The following SPMIP5 variants were observed in gnomAD, a reference collection of about 807,000 sequenced individuals.
SPMIP5 encodes sperm-associated microtubule inner protein 5.
chr10:116,662,537 T>C, the SPMIP5 span, among the ~76,000 whole-genome samples: 2 of 152,352 alleles, frequency 1.3e-5, no homozygotes, highest in Non-Finnish European at 1.5e-5. Flanking sequence ...GAGCCCAGCA[T>C]GTCCAGGTGA....
chr10:116,664,108 G>T, the SPMIP5 span: 1 of 1,613,728 alleles, frequency 6.2e-7, no homozygotes. Context: ...AAGCAGAAAG[G>T]CCACTGCAAA....
chr10:116,667,862 G>A, the SPMIP5 span, among the ~76,000 whole-genome samples: 1 of 152,220 alleles, frequency 6.6e-6, no homozygotes, highest in Non-Finnish European at 1.5e-5. Context: ...GGGGATGCAG[G>A]AAAGGATGGG....
At chr10:116,663,829 G>C in the SPMIP5 span, 2 of 1,422,624 alleles carry the variant, frequency 1.4e-6, no homozygotes, top group African/African-American at 1.4e-5. Flanking sequence ...ATTGCTCACT[G>C]GGCGTGATTC....
At chr10:116,664,823 G>A in the SPMIP5 span, 3 of 1,614,040 alleles carry the variant, frequency 1.9e-6, no homozygotes, top group African/African-American at 2.7e-5. Context: ...AGTCCTTGTA[G>A]CAGTTTTTGG....
chr10:116,669,814 T>C, the SPMIP5 span: 1 of 146,548 alleles, frequency 6.8e-6, no homozygotes, highest in Non-Finnish European at 1.5e-5. Flanking sequence ...CTGGAGGAGG[T>C]GGGCAGGGAG....
At chr10:116,664,508 T>C in the SPMIP5 span, 9 of 827,356 alleles carry the variant, frequency 1.1e-5, no homozygotes, top group Non-Finnish European at 1.4e-5. Flanking sequence ...TGCTGGTTTT[T>C]ACTCCCATCC....
chr10:116,666,227 T>C, the SPMIP5 span, among the ~76,000 whole-genome samples: 1 of 152,198 alleles, frequency 6.6e-6, no homozygotes, highest in Non-Finnish European at 1.5e-5. Flanking sequence ...CCAAATGCAA[T>C]TTGGGATCTT....
the SPMIP5 span, among the ~76,000 whole-genome samples, chr10:116,666,137 A>G: frequency 1.3e-4 from 20 of 152,364 alleles, no homozygotes; most frequent in Non-Finnish European, 2.9e-5. Flanking sequence ...GAAAGCATTT[A>G]ATGGGCCAAA....
the SPMIP5 span, chr10:116,668,258 C>A: frequency 6.2e-7 from 1 of 1,613,580 alleles, no homozygotes; most frequent in Non-Finnish European, 8.5e-7. Context: ...CCACACTTAC[C>A]GCTATAGCCT....
the SPMIP5 span, among the ~76,000 whole-genome samples, chr10:116,669,013 C>T: frequency 6.6e-6 from 1 of 150,490 alleles, no homozygotes; most frequent in Non-Finnish European, 1.5e-5. Context: ...ATCAGGAAGT[C>T]CCAAAAGGCA....
the SPMIP5 span, chr10:116,670,150 A>C: frequency 3.3e-5 from 5 of 152,446 alleles, no homozygotes; most frequent in East Asian, 9.7e-4. Context: ...GCATCTGCGC[A>C]GTAAACATCT....
chr10:116,667,257 G>C, the SPMIP5 span, among the ~76,000 whole-genome samples: 3 of 152,212 alleles, frequency 2.0e-5, no homozygotes, highest in African/African-American at 7.2e-5. Context: ...AAGAAGCAAA[G>C]GTGGGATCCT....
At chr10:116,668,056 C>T in the SPMIP5 span, among the ~76,000 whole-genome samples, 19 of 152,160 alleles carry the variant, frequency 1.2e-4, no homozygotes, top group Admixed American at 1.1e-3. Flanking sequence ...TGTTCTGGGA[C>T]GTGTGGTCTA....
chr10:116,668,818 C>G, the SPMIP5 span, among the ~76,000 whole-genome samples: 39 of 152,030 alleles, frequency 2.6e-4, no homozygotes, highest in East Asian at 3.9e-4. Flanking sequence ...CACCATTACC[C>G]CTGGAACATC....
the SPMIP5 span, among the ~76,000 whole-genome samples, chr10:116,662,391 C>G: frequency 6.6e-6 from 1 of 152,166 alleles, no homozygotes; most frequent in African/African-American, 2.4e-5. Flanking sequence ...GGTGACAGGT[C>G]CTGCAGTGGT....
the SPMIP5 span, chr10:116,668,126 A>T: frequency 5.9e-6 from 5 of 840,374 alleles, no homozygotes; most frequent in African/African-American, 5.1e-5. Context: ...CTCTCAATGC[A>T]TGTCTGAGAA....
the SPMIP5 span, among the ~76,000 whole-genome samples, chr10:116,669,209 T>C: frequency 6.6e-6 from 1 of 152,180 alleles, no homozygotes; most frequent in African/African-American, 2.4e-5. Flanking sequence ...TTCATCTCTT[T>C]AAAGAAATGC....
chr10:116,662,691 G>C, the SPMIP5 span, among the ~76,000 whole-genome samples: 1 of 152,130 alleles, frequency 6.6e-6, no homozygotes, highest in Non-Finnish European at 1.5e-5. Flanking sequence ...GGAGGTCAGG[G>C]TGCCTGCTGG....
At chr10:116,666,702 C>T in the SPMIP5 span, among the ~76,000 whole-genome samples, 1 of 152,050 alleles carries the variant, frequency 6.6e-6, no homozygotes, top group South Asian at 2.1e-4. Context: ...CCATGCATCG[C>T]CCAGACTCCC....
Sources: allele counts gnomAD v4.1 joint callset (sites outside exome capture counted in the v4.1 genomes callset), GRCh38; gene constraint gnomAD v4.1.1; transcripts MANE v1.5; gene names NCBI Gene and HGNC (gene_info 2026-07-23, HGNC 2026-07-21).